Variants in SPTSSA observed in about 807,000 individuals in gnomAD.
SPTSSA encodes the protein small subunit of serine palmitoyltransferase A.
A neutral mutation model predicts 9.1 loss-of-function variants in SPTSSA; 8 were observed. That is an observed-to-expected ratio of 0.88 (90% CI 0.51 to 1.58). The LOEUF (loss-of-function observed/expected upper bound fraction) is 1.58, where lower values mean the gene tolerates loss of function less well. Among genes scored for constraint, SPTSSA ranks in the 40% most tolerant of loss-of-function variants. SPTSSA has a pLI of 0.00. For synonymous variants in SPTSSA, 42 were observed against 37.7 expected, an observed-to-expected ratio of 1.11 and a Z score of -0.41; for missense variants, 100 against 93.8, an observed-to-expected ratio of 1.07 and a Z score of -0.27.
At chr14:34,450,813 G>A (rs1233808933) in intron 1 of SPTSSA, among the ~76,000 whole-genome samples, 1 of 152,180 alleles carries the variant, frequency 6.6e-6, no homozygotes, top group African/African-American at 2.4e-5. Context: ...CTGTGCAGGT[G>A]CTGAAGATAA....
At chr14:34,454,886 A>G (rs1200206331) in intron 1 of SPTSSA, among the ~76,000 whole-genome samples, 1 of 152,198 alleles carries the variant, frequency 6.6e-6, no homozygotes, top group Non-Finnish European at 1.5e-5. Flanking sequence ...CAGGAGTTCG[A>G]GACCAGGCTG....
At chr14:34,444,536 G>A (rs560344063) in intron 1 of SPTSSA, among the ~76,000 whole-genome samples, 109 of 152,060 alleles carry the variant, frequency 7.2e-4, no homozygotes, top group Admixed American at 1.4e-3. Context: ...GGTGGATCCC[G>A]AGGTCAACAG....
intron 1 of SPTSSA, among the ~76,000 whole-genome samples, chr14:34,447,069 C>G (rs1883433647): frequency 6.6e-6 from 1 of 151,556 alleles, no homozygotes; most frequent in African/African-American, 2.4e-5. Context: ...ACTAAAAATA[C>G]AAAAATTAGC....
At chr14:34,458,463 T>C (rs150479793) in intron 1 of SPTSSA, among the ~76,000 whole-genome samples, 449 of 151,642 alleles carry the variant, frequency 3.0e-3, no homozygotes, top group African/African-American at 0.01. Flanking sequence ...GGATTACAGG[T>C]GTGAGCTACC....
At chr14:34,444,853 G>A (rs950508761) in intron 1 of SPTSSA, among the ~76,000 whole-genome samples, 2 of 151,992 alleles carry the variant, frequency 1.3e-5, no homozygotes, top group Non-Finnish European at 2.9e-5. Flanking sequence ...CCAACACTTT[G>A]AGAGAACAAG....
chr14:34,457,873 G>C (rs1261823923), intron 1 of SPTSSA, among the ~76,000 whole-genome samples: 1 of 151,252 alleles, frequency 6.6e-6, no homozygotes, highest in Non-Finnish European at 1.5e-5. Flanking sequence ...TTGGGAGGCT[G>C]AGGCAGGAGA....
At chr14:34,449,647 C>T (rs1883484473) in intron 1 of SPTSSA, among the ~76,000 whole-genome samples, 1 of 151,942 alleles carries the variant, frequency 6.6e-6, no homozygotes, top group Non-Finnish European at 1.5e-5. Flanking sequence ...GAATTACAGG[C>T]ACGTGCCACC....
intron 1 of SPTSSA, among the ~76,000 whole-genome samples, chr14:34,435,575 T>C (rs914519440): frequency 1.3e-5 from 2 of 151,880 alleles, no homozygotes; most frequent in African/African-American, 2.4e-5. Flanking sequence ...TCTCCCTGTG[T>C]AGTTGAAAAT....
intron 1 of SPTSSA, among the ~76,000 whole-genome samples, chr14:34,445,322 G>A (rs1370915605): frequency 6.6e-6 from 1 of 151,984 alleles, no homozygotes; most frequent in Non-Finnish European, 1.5e-5. Context: ...GGCCAACATG[G>A]CCAAACCCTG....
chr14:34,437,873 T>G (rs1883263131), intron 1 of SPTSSA, among the ~76,000 whole-genome samples: 2 of 152,118 alleles, frequency 1.3e-5, no homozygotes, highest in Non-Finnish European at 1.5e-5. Flanking sequence ...CAATCATAGT[T>G]CACCACAGCC....
At chr14:34,454,523 A>T (rs1423454251) in intron 1 of SPTSSA, among the ~76,000 whole-genome samples, 2 of 152,252 alleles carry the variant, frequency 1.3e-5, no homozygotes, top group African/African-American at 4.8e-5. Flanking sequence ...ATATCCTAAC[A>T]TTCTCACTGA....
At chr14:34,435,375 C>G in intron 1 of SPTSSA, 71 bp from the exon 2 acceptor site, 1 of 1,059,724 alleles carries the variant, frequency 9.4e-7, no homozygotes, top group Middle Eastern at 2.1e-4. Context: ...TCTTCAACAA[C>G]TCTTTTATGC....
At chr14:34,441,020 C>T (rs1293488627) in intron 1 of SPTSSA, among the ~76,000 whole-genome samples, 1 of 152,040 alleles carries the variant, frequency 6.6e-6, no homozygotes, top group Non-Finnish European at 1.5e-5. Context: ...CTTATCAAAA[C>T]TTGAACAAGT....
At chr14:34,450,571 T>C (rs1359978170) in intron 1 of SPTSSA, among the ~76,000 whole-genome samples, 1 of 152,058 alleles carries the variant, frequency 6.6e-6, no homozygotes, top group East Asian at 1.9e-4. Context: ...CAGGTCTATA[T>C]TCTAGAGGGG....
intron 1 of SPTSSA, among the ~76,000 whole-genome samples, chr14:34,451,542 T>C (rs1411765155): frequency 1.3e-5 from 2 of 151,840 alleles, no homozygotes; most frequent in African/African-American, 2.4e-5. Flanking sequence ...GCTAACACGG[T>C]GAAACCCCGT....
chr14:34,462,039 G>A, intron 1 of SPTSSA, 57 bp downstream of exon 1: 2 of 1,187,248 alleles, frequency 1.7e-6, no homozygotes, highest in Non-Finnish European at 2.1e-6. Context: ...GGGGAAATGC[G>A]GCCCCGCGGC....
intron 1 of SPTSSA, among the ~76,000 whole-genome samples, chr14:34,442,014 T>A (rs1435414998): frequency 1.3e-5 from 2 of 152,124 alleles, no homozygotes; most frequent in Non-Finnish European, 2.9e-5. Context: ...TAGGTGGGAT[T>A]ACAGGCGCCC....
At chr14:34,452,640 A>G (rs1353482526) in intron 1 of SPTSSA, among the ~76,000 whole-genome samples, 3 of 152,304 alleles carry the variant, frequency 2.0e-5, no homozygotes, top group African/African-American at 7.2e-5. Flanking sequence ...AATCCTGGAA[A>G]TGGTTTGTAG....
chr14:34,442,982 G>GTGTTTTT (rs1290857758), intron 1 of SPTSSA, among the ~76,000 whole-genome samples: 1 of 146,932 alleles, frequency 6.8e-6, no homozygotes. Context: ...GTGTGTGTGT[G>GTGTTTTT]TGAGATGGAG....
Sources: gnomAD v4.1 joint callset for allele counts (sites outside exome capture counted in the v4.1 genomes callset) on GRCh38, gnomAD v4.1.1 for gene constraint, MANE v1.5 for transcripts, NCBI Gene and HGNC (gene_info 2026-07-23, HGNC 2026-07-21) for gene names.